Variants in PDE10A observed in about 807,000 individuals in gnomAD.
PDE10A encodes the protein cAMP and cAMP-inhibited cGMP 3',5'-cyclic phosphodiesterase 10A.
Under a neutral mutation model 97.7 loss-of-function variants are expected in PDE10A, and 39 were observed. The ratio of observed to expected loss-of-function variants is 0.40; its 90% CI spans 0.31 to 0.52. The LOEUF is 0.52. Ranked by LOEUF, PDE10A falls within the 20% of genes least tolerant of loss-of-function variation. PDE10A has a pLI of 0.56. For synonymous variants in PDE10A, 371 were observed against 376.8 expected (o/e 0.98, Z 0.18); for missense variants, 731 against 1,047.8 (o/e 0.70, Z 4.17).
intron 1 of PDE10A, among the ~76,000 whole-genome samples, chr6:165,577,677 C>T (rs1232229135): frequency 6.6e-6 from 1 of 152,192 alleles, no homozygotes; most frequent in Non-Finnish European, 1.5e-5. Context: ...TCCCTGCCTC[C>T]CAGCCACCAT....
intron 1 of PDE10A, among the ~76,000 whole-genome samples, chr6:165,548,931 A>C (rs974224448): frequency 5.9e-5 from 9 of 152,208 alleles, no homozygotes; most frequent in African/African-American, 2.2e-4. Context: ...CTACGAAACC[A>C]TATATTTGAA....
At chr6:165,837,947 A>C (rs1780113561) in intron 1 of PDE10A, among the ~76,000 whole-genome samples, 1 of 152,128 alleles carries the variant, frequency 6.6e-6, no homozygotes, top group African/African-American at 2.4e-5. Context: ...GGCCTCCCAA[A>C]GTGCTGGGGT....
intron 1 of PDE10A, among the ~76,000 whole-genome samples, chr6:165,698,753 A>T (rs183318155): frequency 2.0e-5 from 3 of 152,250 alleles, no homozygotes; most frequent in Admixed American, 6.5e-5. Flanking sequence ...AAGAGGCTGA[A>T]TTGTTTGAAC....
At chr6:165,410,206 T>C (rs1172618805) in intron 13 of PDE10A, among the ~76,000 whole-genome samples, 3 of 152,206 alleles carry the variant, frequency 2.0e-5, no homozygotes, top group African/African-American at 4.8e-5. Context: ...TGAGGGCTAA[T>C]AAAGGTTTCT....
At chr6:165,617,456 G>C (rs976943152) in intron 1 of PDE10A, among the ~76,000 whole-genome samples, 4 of 152,136 alleles carry the variant, frequency 2.6e-5, no homozygotes, top group African/African-American at 9.7e-5. Flanking sequence ...CGATTCTCCC[G>C]CTTCAGCCTC....
At chr6:165,528,835 C>T (rs1296404985) in intron 2 of PDE10A, among the ~76,000 whole-genome samples, 2 of 152,170 alleles carry the variant, frequency 1.3e-5, no homozygotes, top group Non-Finnish European at 2.9e-5. Flanking sequence ...ACAATTACAA[C>T]ACCAACTAGG....
At chr6:165,938,502 T>C (rs1307570591) in intron 1 of PDE10A, among the ~76,000 whole-genome samples, 1 of 152,140 alleles carries the variant, frequency 6.6e-6, no homozygotes, top group Non-Finnish European at 1.5e-5. Context: ...TTGGATGAGT[T>C]TCAACTGAGG....
At chr6:165,958,561 GAAAGACAGACA>G (rs1784234359) in intron 1 of PDE10A, among the ~76,000 whole-genome samples, 9 of 13,294 alleles carry the variant, frequency 6.8e-4, no homozygotes, top group African/African-American at 2.4e-3. Context: ...AAGAAAGAAA[GAAAGACAGACA>G]GAAAGAAAGA....
chr6:165,350,822 C>G (rs1015038183), intron 18 of PDE10A, among the ~76,000 whole-genome samples: 3 of 152,162 alleles, frequency 2.0e-5, no homozygotes, highest in African/African-American at 7.2e-5. Context: ...GGCACTCATT[C>G]ATCTCCCTCC....
intron 1 of PDE10A, among the ~76,000 whole-genome samples, chr6:165,553,212 A>C (rs2128331186): frequency 6.6e-6 from 1 of 152,230 alleles, no homozygotes; most frequent in South Asian, 2.1e-4. Flanking sequence ...ATAGGCTCTA[A>C]ATTTCTTTTT....
At chr6:165,854,222 G>A (rs1380069835) in intron 1 of PDE10A, among the ~76,000 whole-genome samples, 3 of 152,202 alleles carry the variant, frequency 2.0e-5, no homozygotes, top group Non-Finnish European at 2.9e-5. Flanking sequence ...AGGCTGGGCT[G>A]CAGCAGCCTT....
At chr6:165,953,275 T>C (rs1784024667) in intron 1 of PDE10A, among the ~76,000 whole-genome samples, 1 of 152,126 alleles carries the variant, frequency 6.6e-6, no homozygotes, top group South Asian at 2.1e-4. Context: ...ATAAAAGAAA[T>C]TTGAGGGCTG....
chr6:165,745,219 T>G (rs919726294), intron 1 of PDE10A, among the ~76,000 whole-genome samples: 1 of 152,210 alleles, frequency 6.6e-6, no homozygotes. Context: ...TGTCTGGAAT[T>G]TCTTCACTCA....
At chr6:165,705,254 G>C (rs1470271802) in intron 1 of PDE10A, among the ~76,000 whole-genome samples, 1 of 152,242 alleles carries the variant, frequency 6.6e-6, no homozygotes, top group African/African-American at 2.4e-5. Flanking sequence ...TGGAACAGCT[G>C]GCTAGATTGC....
chr6:165,707,304 C>A (rs4072784), intron 1 of PDE10A, among the ~76,000 whole-genome samples: 14,696 of 152,182 alleles, frequency 0.097, 1,642 homozygotes, highest in African/African-American at 0.27. Context: ...CTCAGAACCA[C>A]GGGCTGAGCC....
chr6:165,634,531 C>A (rs1447148996), intron 1 of PDE10A, among the ~76,000 whole-genome samples: 1 of 152,072 alleles, frequency 6.6e-6, no homozygotes, highest in Non-Finnish European at 1.5e-5. Flanking sequence ...CAAATATACA[C>A]AAACTACAGC....
chr6:165,728,967 G>A (rs1462880323), intron 1 of PDE10A, among the ~76,000 whole-genome samples: 1 of 152,186 alleles, frequency 6.6e-6, no homozygotes, highest in Admixed American at 6.5e-5. Context: ...GGAGGCCATG[G>A]AGGGAGGATT....
intron 1 of PDE10A, among the ~76,000 whole-genome samples, chr6:165,849,310 A>G (rs1780506391): frequency 6.6e-6 from 1 of 152,198 alleles, no homozygotes; most frequent in Non-Finnish European, 1.5e-5. Flanking sequence ...TATGAAAAAC[A>G]TTGCTGTTAT....
chr6:165,882,860 T>C (rs1052081025), intron 1 of PDE10A, among the ~76,000 whole-genome samples: 1 of 152,026 alleles, frequency 6.6e-6, no homozygotes, highest in Non-Finnish European at 1.5e-5. Context: ...TTTGGTGCTT[T>C]GGTTTATCAC....
Sources: gnomAD v4.1 joint callset for allele counts (sites outside exome capture counted in the v4.1 genomes callset) on GRCh38, gnomAD v4.1.1 for gene constraint, MANE v1.5 for transcripts, NCBI Gene and HGNC (gene_info 2026-07-23, HGNC 2026-07-21) for gene names.